The following ACACA variants were observed in gnomAD, a reference collection of about 807,000 sequenced individuals.
ACACA encodes the protein acetyl-CoA carboxylase 1.
Under a neutral mutation model 296.1 loss-of-function variants are expected in ACACA, and 103 were observed. The ratio of observed to expected loss-of-function variants is 0.35; its 90% CI spans 0.30 to 0.41. The LOEUF is 0.41. Among genes scored for constraint, ACACA ranks in the 10% least tolerant of loss-of-function variants. ACACA has a pLI of 1.00. For synonymous variants in ACACA, 953 were observed against 1,038.6 expected (o/e 0.92, Z 1.58); for missense variants, 1,554 against 2,989.7 (o/e 0.52, Z 11.20).
chr17:37,373,722 C>G (rs1231203565), intron 1 of ACACA, among the ~76,000 whole-genome samples: 1 of 152,220 alleles, frequency 6.6e-6, no homozygotes, highest in African/African-American at 2.4e-5. Flanking sequence ...TCAATTCCTA[C>G]TCCTGCTCCA....
intron 1 of ACACA, chr17:37,391,940 T>C (rs557697671): frequency 4.1e-5 from 23 of 561,960 alleles, no homozygotes; most frequent in Non-Finnish European, 7.3e-5. Flanking sequence ...CATACATCCA[T>C]CTAAATGGAT....
intron 49 of ACACA, among the ~76,000 whole-genome samples, chr17:37,122,130 C>T (rs548035484): frequency 6.6e-6 from 1 of 151,682 alleles, no homozygotes; most frequent in Admixed American, 6.6e-5. Context: ...AACCATGTCT[C>T]AAAAAAAAGG....
chr17:37,305,373 C>T (rs937904604), intron 3 of ACACA, among the ~76,000 whole-genome samples: 1 of 152,034 alleles, frequency 6.6e-6, no homozygotes, highest in South Asian at 2.1e-4. Flanking sequence ...CTTTTTATTT[C>T]TTGGTTTTAT....
In ACACA at chr17:37,245,072, C is replaced by T. The variant is rs1165828301; in HGVS notation, c.2595+8G>A. On this transcript the variant is annotated splice_region_variant and intron_variant, in intron 20 of 55. Transcript: ENST00000616317. ...AGAGAGCAATATTCGGAGCACCTTC[C>T]TACTCACCTGCTGAACCTTGCTGGG... 3 of 1,614,064 alleles carry T rather than the reference C, an allele frequency of 1.9e-6. No individual in the cohort carries two copies. The African/African-American group carries it at 4.0e-5, about 22-fold the overall frequency.
rs915465100 is a variant in ACACA, at chr17:37,086,351, G to C, written c.*965C>G. 6.6e-6 allele frequency: 1 copy of C among 152,468 alleles called. No individual in the cohort carries two copies. Among genetic ancestry groups the C allele is most frequent in the African/African-American group, 2.4e-5 (1 of 41,474 alleles). 9.4% of individuals were successfully genotyped at this position (152,468 alleles called of 1,614,324 possible). A position where few individuals can be genotyped will look rare whatever the true frequency, so the allele number is the denominator to read the frequency against. ...AACCATCCAAGCTCCAGGCTTCATAGGAACAACTTTCCAAGTCCTCAAAAC... is the reference window on the plus strand; with the variant it reads ...AACCATCCAAGCTCCAGGCTTCATACGAACAACTTTCCAAGTCCTCAAAAC... On this transcript the variant is annotated 3_prime_UTR_variant, in exon 56 of 56. Coordinates refer to ENST00000616317, the MANE Select transcript of ACACA (RefSeq NM_198834.3).
At chr17:37,217,176 G>A (rs151329257) in intron 29 of ACACA, among the ~76,000 whole-genome samples, 1 of 146,862 alleles carries the variant, frequency 6.8e-6, no homozygotes, top group Non-Finnish European at 1.5e-5. Context: ...CAGGAGAATC[G>A]CTTGAACCTG....
chr17:37,347,007 G>C (rs1005003766), intron 1 of ACACA, among the ~76,000 whole-genome samples: 1 of 152,176 alleles, frequency 6.6e-6, no homozygotes, highest in African/African-American at 2.4e-5. Context: ...GTGAGAACAT[G>C]AGATCTGGGA....
At chr17:37,339,748 C>G (rs1335881137) in intron 2 of ACACA, 56 bp downstream of exon 2, 2 of 1,099,522 alleles carry the variant, frequency 1.8e-6, no homozygotes, top group African/African-American at 3.0e-5. Context: ...TGATATTTTA[C>G]AACATGAACA....
intron 24 of ACACA, among the ~76,000 whole-genome samples, chr17:37,237,136 T>C (rs578094575): frequency 6.6e-6 from 1 of 152,338 alleles, no homozygotes; most frequent in South Asian, 2.1e-4. Flanking sequence ...CACTGTACCA[T>C]TTCTTTTCCT....
chr17:37,313,225 G>C (rs530988653), intron 3 of ACACA, among the ~76,000 whole-genome samples: 2 of 151,850 alleles, frequency 1.3e-5, no homozygotes, highest in African/African-American at 4.8e-5. Context: ...GGGTTCATCT[G>C]TGCAGCAAAC....
intron 41 of ACACA, among the ~76,000 whole-genome samples, chr17:37,164,817 T>C (rs967150318): frequency 1.3e-5 from 2 of 152,220 alleles, no homozygotes; most frequent in African/African-American, 4.8e-5. Flanking sequence ...TTATGATATA[T>C]TAACCCTAGG....
chr17:37,138,555 T>G (rs992146233), intron 45 of ACACA, among the ~76,000 whole-genome samples: 1 of 152,240 alleles, frequency 6.6e-6, no homozygotes, highest in Non-Finnish European at 1.5e-5. Context: ...ATCTTTTATT[T>G]AGAAGATATG....
intron 45 of ACACA, among the ~76,000 whole-genome samples, chr17:37,131,411 G>C (rs1326680908): frequency 6.6e-6 from 1 of 152,146 alleles, no homozygotes; most frequent in African/African-American, 2.4e-5. Flanking sequence ...TGAGTGTATA[G>C]TAATTGTCAG....
At chr17:37,325,018 C>T (rs1388787903) in intron 3 of ACACA, among the ~76,000 whole-genome samples, 33 of 150,668 alleles carry the variant, frequency 2.2e-4, no homozygotes, top group East Asian at 1.8e-3. Flanking sequence ...CTGACGAACA[C>T]GGTGAAACCC....
chr17:37,161,621 ATATGGTGTC>A, intron 42 of ACACA, 151 bp downstream of exon 42: 1 of 813,634 alleles, frequency 1.2e-6, no homozygotes, highest in Non-Finnish European at 1.9e-6. Context: ...TTTGTCTTTA[ATATGGTGTC>A]TTAAGGAATT....
intron 33 of ACACA, among the ~76,000 whole-genome samples, chr17:37,201,412 T>C (rs1421460153): frequency 6.6e-6 from 1 of 151,050 alleles, no homozygotes; most frequent in Non-Finnish European, 1.5e-5. Flanking sequence ...CCAGCCTGGG[T>C]GACAGAATGA....
chr17:37,405,754 A>ATGTTGG (rs1338155693), intron 1 of ACACA, among the ~76,000 whole-genome samples: 2 of 147,558 alleles, frequency 1.4e-5, no homozygotes, highest in African/African-American at 5.0e-5. Context: ...GGATTTCACC[A>ATGTTGG]TGTTGGTCAG....
intron 50 of ACACA, among the ~76,000 whole-genome samples, chr17:37,116,514 T>A (rs959882854): frequency 2.0e-5 from 3 of 152,190 alleles, no homozygotes; most frequent in African/African-American, 7.2e-5. Context: ...AACAAGTATT[T>A]TTCGGCCCCA....
intron 1 of ACACA, among the ~76,000 whole-genome samples, chr17:37,370,079 G>A (rs1254996852): frequency 6.7e-6 from 1 of 149,610 alleles, no homozygotes; most frequent in Admixed American, 6.7e-5. Flanking sequence ...CCCAATCTCG[G>A]CTCTGCAACC....
Sources: allele counts gnomAD v4.1 joint callset (sites outside exome capture counted in the v4.1 genomes callset), GRCh38; gene constraint gnomAD v4.1.1; transcripts MANE v1.5; gene names NCBI Gene and HGNC (gene_info 2026-07-23, HGNC 2026-07-21).